Variants in JPH3 observed in about 807,000 individuals in gnomAD.
The protein encoded by JPH3 is junctophilin-3.
A neutral mutation model predicts 59.6 loss-of-function variants in JPH3; 11 were observed. That is an observed-to-expected ratio of 0.18 (90% confidence interval 0.12 to 0.31). JPH3 has a LOEUF of 0.31. Among genes scored for constraint, JPH3 ranks in the 10% least tolerant of loss-of-function variants. The probability of loss-of-function intolerance (pLI) is 1.00; values close to 1 mark genes in which losing one functional copy is unlikely to be tolerated. For synonymous variants in JPH3, 673 were observed against 483.6 expected, an observed-to-expected ratio of 1.39 and a Z score of -5.14; for missense variants, 1,202 against 1,105.7, an observed-to-expected ratio of 1.09 and a Z score of -1.24.
At chr16:87,648,629 C>A (rs931565501) in intron 2 of JPH3, among the ~76,000 whole-genome samples, 1 of 151,754 alleles carries the variant, frequency 6.6e-6, no homozygotes, top group South Asian at 2.1e-4. Context: ...AGACTGAGGT[C>A]CTGCACTGCT....
intron 2 of JPH3, among the ~76,000 whole-genome samples, chr16:87,681,925 T>C (rs946455958): frequency 3.9e-5 from 6 of 152,148 alleles, no homozygotes; most frequent in Non-Finnish European, 5.9e-5. Flanking sequence ...GCCGCGCATC[T>C]TTAGTTTTGG....
chr16:87,650,151 C>A (rs1299532138), intron 2 of JPH3, among the ~76,000 whole-genome samples: 2 of 152,178 alleles, frequency 1.3e-5, no homozygotes, highest in African/African-American at 2.4e-5. Flanking sequence ...TGCCGTTTTC[C>A]CAACAGCACG....
At chr16:87,606,912 A>G (rs540989311) in intron 1 of JPH3, among the ~76,000 whole-genome samples, 3 of 152,178 alleles carry the variant, frequency 2.0e-5, no homozygotes, top group Non-Finnish European at 4.4e-5. Context: ...ACACCTCTAG[A>G]GGGTGATTTT....
chr16:87,626,064 T>A (rs1395171042), intron 1 of JPH3, among the ~76,000 whole-genome samples: 1 of 152,148 alleles, frequency 6.6e-6, no homozygotes, highest in East Asian at 1.9e-4. Flanking sequence ...CGTAAGTTAC[T>A]GCTATCGGGG....
chr16:87,676,531 C>T (rs553298645), intron 2 of JPH3, among the ~76,000 whole-genome samples: 5 of 151,918 alleles, frequency 3.3e-5, no homozygotes, highest in African/African-American at 7.2e-5. Context: ...GTCAAGAGAT[C>T]GAGATCATCT....
chr16:87,696,964 G>C lies in JPH3; in HGVS notation c.*304G>C, dbSNP rs984370397. ...CAGAAGGGATCCCGGCACATCAGTG[G>C]TAACAGCGGACGTTGTCCTCGTGGT... is the stretch of plus-strand genomic sequence containing the variant. On this transcript the variant is annotated 3_prime_UTR_variant, in exon 5 of 5. Transcript: ENST00000284262. The C allele has an allele frequency of 2.0e-5, 8 of 395,696 alleles. No homozygotes were observed. Among genetic ancestry groups the C allele is most frequent in the African/African-American group, 1.6e-4 (8 of 48,790 alleles). The allele number at this position is 395,696 out of a possible 1,614,324, so 24.5% of individuals were successfully genotyped here.
At chr16:87,680,247 C>T (rs1055673464) in intron 2 of JPH3, among the ~76,000 whole-genome samples, 1 of 152,250 alleles carries the variant, frequency 6.6e-6, no homozygotes, top group Non-Finnish European at 1.5e-5. Context: ...CTCCAGTGAT[C>T]CCTGAGCCAC....
intron 2 of JPH3, among the ~76,000 whole-genome samples, chr16:87,667,872 G>A (rs1484581782): frequency 2.0e-5 from 3 of 152,010 alleles, no homozygotes; most frequent in Admixed American, 6.5e-5. Context: ...TGCAAAACCC[G>A]TTCCTAGCTC....
chr16:87,673,341 A>G (rs1190949471), intron 2 of JPH3, among the ~76,000 whole-genome samples: 1 of 152,114 alleles, frequency 6.6e-6, no homozygotes, highest in Non-Finnish European at 1.5e-5. Flanking sequence ...GATCTACTGA[A>G]TTACAGAAGA....
At chr16:87,695,804 G>T (rs913614860) in intron 4 of JPH3, 1 of 456,090 alleles carries the variant, frequency 2.2e-6, no homozygotes, top group Admixed American at 2.3e-5. Flanking sequence ...CCCCGGAAAA[G>T]GCTCTGTTGT....
chr16:87,695,473 C>T, intron 4 of JPH3: 1 of 456,006 alleles, frequency 2.2e-6, no homozygotes, highest in Non-Finnish European at 4.4e-6. Context: ...CTCTGAACAG[C>T]TCCTTACCAC....
chr16:87,684,398 G>C, intron 3 of JPH3, 132 bp downstream of exon 3: 4 of 1,389,314 alleles, frequency 2.9e-6, no homozygotes, highest in Non-Finnish European at 3.9e-6. Flanking sequence ...TCCCCTGCCC[G>C]GTGTCTTCCT....
intron 2 of JPH3, among the ~76,000 whole-genome samples, chr16:87,658,168 C>G (rs1305956907): frequency 3.3e-5 from 5 of 152,020 alleles, no homozygotes; most frequent in African/African-American, 1.2e-4. Context: ...AGGTATTCAG[C>G]AAACAGTGAA....
chr16:87,672,861 T>C (rs1232749093), intron 2 of JPH3, among the ~76,000 whole-genome samples: 5 of 152,220 alleles, frequency 3.3e-5, no homozygotes, highest in Non-Finnish European at 5.9e-5. Context: ...AAAGTTTAAA[T>C]GTAGGCCAGG....
At chr16:87,685,446 G>T (rs1043437723) in intron 3 of JPH3, among the ~76,000 whole-genome samples, 1 of 152,270 alleles carries the variant, frequency 6.6e-6, no homozygotes, top group Non-Finnish European at 1.5e-5. Flanking sequence ...TCGCCCTCAG[G>T]CCCTGAGTTT....
intron 1 of JPH3, among the ~76,000 whole-genome samples, chr16:87,638,442 G>A (rs2150840625): frequency 6.6e-6 from 1 of 152,106 alleles, no homozygotes; most frequent in Non-Finnish European, 1.5e-5. Context: ...CTACTGGGGA[G>A]ACACAGGAGC....
At chr16:87,636,848 C>T (rs1567591999) in intron 1 of JPH3, among the ~76,000 whole-genome samples, 1 of 152,216 alleles carries the variant, frequency 6.6e-6, no homozygotes, top group East Asian at 1.9e-4. Context: ...CGATTGTCAC[C>T]CTATCTTACA....
chr16:87,670,296 G>A (rs907683362), intron 2 of JPH3, among the ~76,000 whole-genome samples: 3 of 152,192 alleles, frequency 2.0e-5, no homozygotes, highest in Non-Finnish European at 4.4e-5. Context: ...CTTAGCCTCT[G>A]TTCATCCTGT....
chr16:87,616,393 C>T (rs1336808017), intron 1 of JPH3, among the ~76,000 whole-genome samples: 2 of 149,706 alleles, frequency 1.3e-5, no homozygotes, highest in African/African-American at 5.0e-5. Context: ...GCCACCACGC[C>T]TGGTTAAGTT....
Sources: gnomAD v4.1 joint callset for allele counts (sites outside exome capture counted in the v4.1 genomes callset) on GRCh38, gnomAD v4.1.1 for gene constraint, MANE v1.5 for transcripts, NCBI Gene and HGNC (gene_info 2026-07-23, HGNC 2026-07-21) for gene names.